The following NRXN3 variants were observed in gnomAD, a reference collection of about 807,000 sequenced individuals.
NRXN3 encodes neurexin 3, also known as neurexin III.
Under a neutral mutation model 137.6 loss-of-function variants are expected in NRXN3, and 32 were observed. The ratio of observed to expected loss-of-function variants is 0.23; its 90% CI spans 0.18 to 0.31. The LOEUF is 0.31. Among genes scored for constraint, NRXN3 ranks in the 10% least tolerant of loss-of-function variants. The pLI, the probability that NRXN3 is intolerant of heterozygous loss-of-function variation, is 1.00. For missense variants in NRXN3, 1,574 were observed against 2,062.5 expected (o/e 0.76, Z 4.59); for synonymous variants, 798 against 784.5 (o/e 1.02, Z -0.29).
chr14:78,403,621 G>A (rs747657966), intron 4 of NRXN3: 19 of 675,138 alleles, frequency 2.8e-5, no homozygotes, highest in African/African-American at 3.9e-5. Flanking sequence ...TCTAATTGCC[G>A]GTGCTGCACT....
intron 8 of NRXN3, among the ~76,000 whole-genome samples, chr14:78,774,150 G>A (rs1302175243): frequency 6.6e-6 from 1 of 152,026 alleles, no homozygotes; most frequent in Non-Finnish European, 1.5e-5. Flanking sequence ...TAGTTCCTGT[G>A]ATGTTTCCCA....
At chr14:79,431,510 A>G (rs374802009) in intron 15 of NRXN3, among the ~76,000 whole-genome samples, 2 of 152,186 alleles carry the variant, frequency 1.3e-5, no homozygotes, top group Admixed American at 6.6e-5. Context: ...TCAATGTTTT[A>G]TACTTAGAAT....
intron 20 of NRXN3, among the ~76,000 whole-genome samples, chr14:79,820,532 G>A (rs1413053033): frequency 6.6e-6 from 1 of 152,104 alleles, no homozygotes; most frequent in Admixed American, 6.6e-5. Flanking sequence ...TTTATTTTAG[G>A]TTTATGGGTA....
chr14:79,610,688 G>A (rs377652980), intron 16 of NRXN3, among the ~76,000 whole-genome samples: 4 of 152,170 alleles, frequency 2.6e-5, no homozygotes, highest in Non-Finnish European at 5.9e-5. Flanking sequence ...ATAGAGTTAC[G>A]TGAGTTTTTC....
At chr14:79,592,187 T>A (rs2097811635) in intron 16 of NRXN3, among the ~76,000 whole-genome samples, 1 of 152,208 alleles carries the variant, frequency 6.6e-6, no homozygotes, top group Admixed American at 6.5e-5. Flanking sequence ...TGTATCCTTT[T>A]CTTGTCTGGC....
intron 16 of NRXN3, among the ~76,000 whole-genome samples, chr14:79,485,982 T>G (rs2217889): frequency 0.42 from 64,392 of 151,812 alleles, 14,323 homozygotes; most frequent in African/African-American, 0.55. Flanking sequence ...TAAGATGGGT[T>G]TTTTCCATAG....
chr14:79,304,583 T>G (rs1361159414), intron 15 of NRXN3, among the ~76,000 whole-genome samples: 4 of 152,042 alleles, frequency 2.6e-5, no homozygotes, highest in Admixed American at 2.0e-4. Flanking sequence ...ATAAAATATT[T>G]GATTGATTAC....
chr14:79,794,606 T>C (rs936113864), intron 19 of NRXN3, among the ~76,000 whole-genome samples: 1 of 152,224 alleles, frequency 6.6e-6, no homozygotes, highest in South Asian at 2.1e-4. Context: ...ACTCAGCCTG[T>C]AGATATAACA....
rs938006362 is a variant in NRXN3 at position 79,794,371 on chromosome 14, AAAAC to A, written c.4015-10725_4015-10722del. Among the ~76,000 whole-genome samples the A allele has an allele frequency of 6.6e-5, 10 of 152,020 alleles. 1 individual carries two copies. The highest frequency in any genetic ancestry group is 6.2e-4 in the South Asian group (3 of 4,826). On this transcript the variant is annotated intron_variant, in intron 19 of 20. Coordinates refer to ENST00000335750, the MANE Select transcript of NRXN3 (RefSeq NM_001330195.2). ...AGAGTGAGACTCTGTCTCAAAAACA[AAAAC>A]AAACAAACAAACAAAAAAACAAAAA...
chr14:79,050,839 C>T (rs1247314090), intron 15 of NRXN3, among the ~76,000 whole-genome samples: 1 of 152,156 alleles, frequency 6.6e-6, no homozygotes, highest in Non-Finnish European at 1.5e-5. Flanking sequence ...GTTTGCATAA[C>T]AGAAGTACTT....
At chr14:78,410,590 A>G (rs2092768687) in intron 4 of NRXN3, among the ~76,000 whole-genome samples, 1 of 152,188 alleles carries the variant, frequency 6.6e-6, no homozygotes, top group African/African-American at 2.4e-5. Context: ...TTGGTTGGGT[A>G]TCAGCATATG....
At chr14:79,353,530 C>T (rs1221688920) in intron 15 of NRXN3, among the ~76,000 whole-genome samples, 1 of 151,906 alleles carries the variant, frequency 6.6e-6, no homozygotes, top group Non-Finnish European at 1.5e-5. Flanking sequence ...CATCATGTAT[C>T]ATAAATAAAA....
At position 78,435,300 on chromosome 14, in the gene NRXN3, C is replaced by G. The variant is rs75902468; in HGVS notation, c.757+137440C>G. Among the ~76,000 whole-genome samples the G allele has an allele frequency of 3.7e-3, 558 of 152,260 alleles. 25 individuals carry two copies. In the East Asian group the frequency reaches 0.066, roughly 18 times the overall value. On this transcript the variant is annotated intron_variant, in intron 4 of 20. Coordinates refer to ENST00000335750, the MANE Select transcript of NRXN3 (RefSeq NM_001330195.2). The stretch of plus-strand genomic sequence containing the variant: ...GTATTGGCCACTATTGATTGAGGGT[C>G]TGCTGTATGACAGGCCCTGTGAGAA...
rs371881471 is a variant in NRXN3 at position 78,958,548 on chromosome 14, C to G, written c.2395+1187C>G. The stretch of plus-strand genomic sequence containing the variant: ...TTTTTTGTATTTTTAGTAGAGATGG[C>G]GTTTCACCGTGTTAGCCAGGATGGT... On this transcript the variant is annotated intron_variant, in intron 11 of 20. Transcript: ENST00000335750. Among the ~76,000 whole-genome samples, 216 of 151,906 alleles carry G rather than the reference C, an allele frequency of 1.4e-3. 4 individuals are homozygous for G. The South Asian group carries it at 0.029, about 21-fold the overall frequency.
At chr14:78,800,907 T>G (rs2098836821) in intron 8 of NRXN3, among the ~76,000 whole-genome samples, 1 of 152,212 alleles carries the variant, frequency 6.6e-6, no homozygotes, top group South Asian at 2.1e-4. Flanking sequence ...CTAAAACCAT[T>G]TACTTTCCAG....
chr14:79,742,704 A>G (rs989309714), intron 19 of NRXN3, among the ~76,000 whole-genome samples: 17 of 152,152 alleles, frequency 1.1e-4, no homozygotes, highest in African/African-American at 4.1e-4. Context: ...ACCTCTCCCT[A>G]AATAGCCCAT....
At chr14:78,230,450 G>C (rs2065243682) in intron 1 of NRXN3, among the ~76,000 whole-genome samples, 2 of 152,088 alleles carry the variant, frequency 1.3e-5, no homozygotes, top group Non-Finnish European at 2.9e-5. Context: ...GGAGAGGCTG[G>C]GGTGACATGG....
chr14:78,829,672 T>C (rs1362759213), intron 10 of NRXN3, among the ~76,000 whole-genome samples: 1 of 152,192 alleles, frequency 6.6e-6, no homozygotes, highest in Non-Finnish European at 1.5e-5. Flanking sequence ...TAGTCCTATA[T>C]TGTAATTTTC....
rs76492690 is a variant in NRXN3, at chr14:79,576,992, C to T, written c.3445-86786C>T. 2.8e-3 allele frequency among the ~76,000 whole-genome samples: 421 copies of T among 152,208 alleles called. 2 individuals carry two copies. The highest frequency in any genetic ancestry group is 9.4e-3 in the African/African-American group (389 of 41,536). On this transcript the variant is annotated intron_variant, in intron 16 of 20. Transcript: ENST00000335750. Reference sequence around the variant, plus strand: ...TTGCCTTGAATTGTAATGACTCCCACGTCAAGATGGGGCCAGGTGGAGGTA... The same window carrying T: ...TTGCCTTGAATTGTAATGACTCCCATGTCAAGATGGGGCCAGGTGGAGGTA...
Sources: gnomAD v4.1 joint callset for allele counts (sites outside exome capture counted in the v4.1 genomes callset) on GRCh38, gnomAD v4.1.1 for gene constraint, MANE v1.5 for transcripts, NCBI Gene and HGNC (gene_info 2026-07-23, HGNC 2026-07-21) for gene names.